The following EIF3H variants were observed in gnomAD, a reference collection of about 807,000 sequenced individuals.
EIF3H encodes eukaryotic translation initiation factor 3 subunit H, also known as eIF-3-gamma.
EIF3H carries 26 observed loss-of-function variants against 44.2 expected under a neutral mutation model. The ratio of observed to expected loss-of-function variants is 0.59; its 90% CI spans 0.43 to 0.82. The LOEUF (loss-of-function observed/expected upper bound fraction) is 0.82. Among genes scored for constraint, EIF3H ranks in the 40% least tolerant of loss-of-function variants. The pLI is 0.00. For synonymous variants in EIF3H, 166 were observed against 151.9 expected, an observed-to-expected ratio of 1.09 and a Z score of -0.68; for missense variants, 359 against 432.8, an observed-to-expected ratio of 0.83 and a Z score of 1.51.
chr8:116,738,416 T>C (rs544838890), intron 1 of EIF3H, among the ~76,000 whole-genome samples: 1 of 152,326 alleles, frequency 6.6e-6, no homozygotes, highest in South Asian at 2.1e-4. Flanking sequence ...TTCTCATCTC[T>C]TGTTAACCTG....
At chr8:116,680,734 T>C (rs1187505760) in intron 2 of EIF3H, among the ~76,000 whole-genome samples, 1 of 144,594 alleles carries the variant, frequency 6.9e-6, no homozygotes, top group Non-Finnish European at 1.5e-5. Context: ...GAGACCTTTG[T>C]TCACTTGTTT....
At chr8:116,718,049 A>G (rs1283825866) in intron 2 of EIF3H, among the ~76,000 whole-genome samples, 1 of 152,212 alleles carries the variant, frequency 6.6e-6, no homozygotes, top group East Asian at 1.9e-4. Flanking sequence ...TCAGCAAGAA[A>G]AAAACAATTG....
chr8:116,720,487 T>C (rs1290295781), intron 2 of EIF3H, among the ~76,000 whole-genome samples: 1 of 152,200 alleles, frequency 6.6e-6, no homozygotes, highest in Non-Finnish European at 1.5e-5. Flanking sequence ...AATTGCCATG[T>C]CTCAGGTATG....
chr8:116,724,280 A>T (rs1177346353), intron 2 of EIF3H, among the ~76,000 whole-genome samples: 1 of 152,194 alleles, frequency 6.6e-6, no homozygotes, highest in Non-Finnish European at 1.5e-5. Flanking sequence ...CTGGACCCTT[A>T]CCTTGTATAC....
intron 1 of EIF3H, among the ~76,000 whole-genome samples, chr8:116,754,226 G>A (rs949017277): frequency 3.3e-5 from 5 of 151,920 alleles, no homozygotes; most frequent in Admixed American, 6.6e-5. Flanking sequence ...CGATTCTCCC[G>A]CCTCAGCCTC....
At chr8:116,672,179 T>G (rs772472501) in intron 2 of EIF3H, among the ~76,000 whole-genome samples, 1 of 152,376 alleles carries the variant, frequency 6.6e-6, no homozygotes, top group East Asian at 1.9e-4. Context: ...TAAAATTCCA[T>G]GTATTTCTTT....
intron 1 of EIF3H, among the ~76,000 whole-genome samples, chr8:116,762,000 A>G (rs1303168567): frequency 6.6e-6 from 1 of 152,234 alleles, no homozygotes; most frequent in Non-Finnish European, 1.5e-5. Flanking sequence ...CTTTCAAGAG[A>G]AACAAATGTC....
intron 1 of EIF3H, among the ~76,000 whole-genome samples, chr8:116,762,713 C>T (rs114831682): frequency 0.01 from 1,557 of 152,300 alleles, 27 homozygotes; most frequent in African/African-American, 0.035. Context: ...GTGAGCGGAC[C>T]ATTTGAGGTC....
At chr8:116,698,321 G>A (rs1386090553) in intron 2 of EIF3H, among the ~76,000 whole-genome samples, 1 of 152,056 alleles carries the variant, frequency 6.6e-6, no homozygotes, top group African/African-American at 2.4e-5. Flanking sequence ...AGATACTCAT[G>A]AGCCTGGCCC....
intron 1 of EIF3H, among the ~76,000 whole-genome samples, chr8:116,762,906 T>C (rs936414051): frequency 6.6e-6 from 1 of 152,008 alleles, no homozygotes; most frequent in African/African-American, 2.4e-5. Flanking sequence ...ATTGTGCCAC[T>C]GCACTCCACC....
chr8:116,726,470 A>C (rs1252227421), intron 1 of EIF3H, among the ~76,000 whole-genome samples: 1 of 152,206 alleles, frequency 6.6e-6, no homozygotes, highest in Non-Finnish European at 1.5e-5. Context: ...GAGTTCCTTC[A>C]GCCAAATCAA....
rs549409179 is a variant in EIF3H at position 116,675,138 on chromosome 8, C to A, written c.290-16158G>T. Among the ~76,000 whole-genome samples, 214 of 151,194 alleles carry A rather than the reference C, an allele frequency of 1.4e-3. 1 individual carries two copies. Among genetic ancestry groups the A allele is most frequent in the Middle Eastern group, 6.8e-3 (2 of 294 alleles). On this transcript the variant is annotated intron_variant, in intron 2 of 7. Coordinates refer to ENST00000521861, the MANE Select transcript of EIF3H (RefSeq NM_003756.3). Reference sequence around the variant, plus strand: ...CTTTGTATTTTTAAATCACATATGTCCTGATGGCACTGTGCTACCACTTGA... The same window carrying A: ...CTTTGTATTTTTAAATCACATATGTACTGATGGCACTGTGCTACCACTTGA...
At chr8:116,705,713 A>G (rs1305673805) in intron 2 of EIF3H, among the ~76,000 whole-genome samples, 1 of 152,198 alleles carries the variant, frequency 6.6e-6, no homozygotes, top group African/African-American at 2.4e-5. Flanking sequence ...GAGGGGCCTA[A>G]GGAGACATAA....
At chr8:116,743,829 C>T (rs1815182691) in intron 1 of EIF3H, among the ~76,000 whole-genome samples, 2 of 129,932 alleles carry the variant, frequency 1.5e-5, no homozygotes, top group Non-Finnish European at 3.1e-5. Context: ...CACACACACA[C>T]ACACACACAT....
At chr8:116,695,321 G>A (rs1315886561) in intron 2 of EIF3H, among the ~76,000 whole-genome samples, 1 of 152,108 alleles carries the variant, frequency 6.6e-6, no homozygotes, top group African/African-American at 2.4e-5. Flanking sequence ...CAAAGGATCC[G>A]CCCACCTTGG....
intron 2 of EIF3H, among the ~76,000 whole-genome samples, chr8:116,694,452 GT>G (rs1178659648): frequency 6.6e-6 from 1 of 152,066 alleles, no homozygotes; most frequent in Non-Finnish European, 1.5e-5. Context: ...TGGTCTGTTT[GT>G]TTGTTTTCCT....
chr8:116,678,562 AGCC>A (rs1813894660), intron 2 of EIF3H, among the ~76,000 whole-genome samples: 1 of 150,708 alleles, frequency 6.6e-6, no homozygotes, highest in South Asian at 2.1e-4. Context: ...GCCTCTTCCC[AGCC>A]GCCATCCCAT....
chr8:116,693,782 A>T (rs980763028), intron 2 of EIF3H, among the ~76,000 whole-genome samples: 1 of 151,854 alleles, frequency 6.6e-6, no homozygotes, highest in Non-Finnish European at 1.5e-5. Flanking sequence ...TCCTTAAGGG[A>T]TCCTCCCGCC....
intron 2 of EIF3H, among the ~76,000 whole-genome samples, chr8:116,681,601 G>A (rs1366074960): frequency 2.0e-5 from 3 of 149,778 alleles, no homozygotes; most frequent in African/African-American, 5.0e-5. Context: ...GGGAGGTGGA[G>A]GTTGTAGTGA....
Sources: allele counts gnomAD v4.1 joint callset (sites outside exome capture counted in the v4.1 genomes callset), GRCh38; gene constraint gnomAD v4.1.1; transcripts MANE v1.5; gene names NCBI Gene and HGNC (gene_info 2026-07-23, HGNC 2026-07-21).